Variants in MYH4 observed in about 807,000 individuals in gnomAD.
The protein encoded by MYH4 is myosin heavy chain 4.
A neutral mutation model predicts 229.9 loss-of-function variants in MYH4; 200 were observed. The ratio of observed to expected loss-of-function variants is 0.87; its 90% CI spans 0.78 to 0.98. The LOEUF (loss-of-function observed/expected upper bound fraction) is 0.98. Among genes scored for constraint, MYH4 ranks in the 50% least tolerant of loss-of-function variants. The pLI is 0.00. For missense variants in MYH4, 2,148 were observed against 2,332.6 expected (o/e 0.92, Z 1.63); for synonymous variants, 761 against 834.6 (o/e 0.91, Z 1.52).
intron 35 of MYH4, among the ~76,000 whole-genome samples, chr17:10,445,871 A>G (rs1304601886): frequency 6.6e-6 from 1 of 151,888 alleles, no homozygotes; most frequent in African/African-American, 2.4e-5. Context: ...TACTAAAAAT[A>G]CAAAAAATTA....
At chr17:10,453,452 C>T (rs1567701361) in intron 23 of MYH4, 124 bp from the exon 24 acceptor site, 2 of 1,571,074 alleles carry the variant, frequency 1.3e-6, no homozygotes, top group Non-Finnish European at 8.6e-7. Context: ...GGAGCTAACC[C>T]AGGCCTATAA....
intron 22 of MYH4, 91 bp from the exon 23 acceptor site, chr17:10,453,976 C>T (rs1217220741): frequency 6.5e-7 from 1 of 1,532,168 alleles, no homozygotes; most frequent in South Asian, 1.3e-5. Flanking sequence ...CAGTGACTAC[C>T]TGTTTGGTCA....
intron 8 of MYH4, 70 bp from the exon 9 acceptor site, chr17:10,463,471 A>G (rs2072724628): frequency 6.3e-7 from 1 of 1,579,050 alleles, no homozygotes; most frequent in Admixed American, 1.7e-5. Flanking sequence ...TGTGGACCAA[A>G]CAGGTGGAAA....
Position 10,447,890 on chromosome 17 carries a change from G to A in MYH4, c.4893C>T (p.Ile1631=). The change falls in exon 34 of 40, where the codon ATC becomes ATT. Residue 1631 remains isoleucine, a synonymous_variant. Transcript: ENST00000255381. ...KMEGDLNEME[I]QLNHANRQAA... ...CCTGGCGGTTGGCATGGTTCAGCTGGATTTCCATTTCATTAAGATCTCCCT... is the reference window on the plus strand; with the variant it reads ...CCTGGCGGTTGGCATGGTTCAGCTGAATTTCCATTTCATTAAGATCTCCCT... 6.2e-7 allele frequency: 1 copy of A among 1,613,966 alleles called. No individual in the cohort carries two copies.
chr17:10,455,034 C>A lies in MYH4; in HGVS notation c.2342G>T (p.Arg781Leu). 1 of 1,614,186 alleles carries A rather than the reference C, an allele frequency of 6.2e-7. No individual in the cohort carries two copies. The highest frequency in any genetic ancestry group is 1.1e-5 in the South Asian group (1 of 91,080). The change falls in exon 21 of 40, where the codon CGA becomes CTA. Residue 781 changes from arginine to leucine, a missense_variant. Physicochemically the swap from Arg to Leu is moderately radical, Grantham distance 102. Coordinates refer to ENST00000255381, the MANE Select transcript of MYH4 (RefSeq NM_017533.2). ...GATGAGTTGAGCTAGCTTTTCATCT[C>A]GCATTTCCTCTAGAGTTCCCAGCAG... ...AGLLGTLEEM[R>L]DEKLAQLITR...
rs772577784 is a variant in MYH4, at chr17:10,456,510, A to C, written c.1943T>G (p.Phe648Cys). The part of the protein sequence containing the change: ...KKGGKKKGSS[F>C]QTVSALFREN... Reference sequence around the variant, plus strand: ...CCTGAAAAGAGCTGACACTGTCTGGAAAGAAGAACCCTTCTTTTTGCCACC... The same window carrying C: ...CCTGAAAAGAGCTGACACTGTCTGGCAAGAAGAACCCTTCTTTTTGCCACC... Residue 648 changes from phenylalanine (F) to cysteine (C), a missense_variant, in exon 17 of 40, where the codon TTC becomes TGC. Physicochemically the swap from Phe to Cys is radical, Grantham distance 205. Coordinates refer to ENST00000255381, the MANE Select transcript of MYH4 (RefSeq NM_017533.2). The C allele has an allele frequency of 9.9e-6, 16 of 1,613,948 alleles. 2 individuals are homozygous for C. In the South Asian group the frequency reaches 1.8e-4, roughly 18 times the overall value.
Position 10,452,216 on chromosome 17 carries a change from C to G in MYH4, c.3463G>C (p.Glu1155Gln), listed in dbSNP as rs1403428792. 1 of 1,613,916 alleles carries G rather than the reference C, an allele frequency of 6.2e-7. No homozygotes were observed. The highest frequency in any genetic ancestry group is 2.2e-5 in the East Asian group (1 of 44,882). Residue 1155 changes from glutamate to glutamine, a missense_variant, in exon 27 of 40, where the codon GAA becomes CAA. Physicochemically the swap from Glu to Gln is conservative, Grantham distance 29 (BLOSUM62 2). Transcript: ENST00000255381. ...GCTGAAGTGGCCCCACCGGCTTCTT[C>G]CAGCCTCTCACTGATCTCCTCCAGC... ...RELEEISERLEEAGGATSAQI... is the reference protein window; with the variant it reads ...RELEEISERLQEAGGATSAQI...
intron 12 of MYH4, 90 bp from the exon 13 acceptor site, chr17:10,460,411 C>A: frequency 9.2e-7 from 1 of 1,084,334 alleles, no homozygotes; most frequent in Non-Finnish European, 1.3e-6. Flanking sequence ...AGGTTTCACT[C>A]AAAAAGTAAG....
At chr17:10,462,309 C>T (rs753494503) in intron 11 of MYH4, among the ~76,000 whole-genome samples, 1 of 151,814 alleles carries the variant, frequency 6.6e-6, no homozygotes, top group Non-Finnish European at 1.5e-5. Flanking sequence ...GGAGAGAGTG[C>T]GTTGTTTCAA....
intron 24 of MYH4, 53 bp downstream of exon 24, chr17:10,453,098 TG>T: frequency 1.9e-6 from 3 of 1,609,258 alleles, no homozygotes; most frequent in Non-Finnish European, 2.6e-6. Context: ...GCTGGTTTCA[TG>T]TCACAATTGT....
intron 4 of MYH4, 58 bp from the exon 5 acceptor site, chr17:10,465,656 A>ATACTG: frequency 1.2e-6 from 2 of 1,607,222 alleles, no homozygotes; most frequent in Non-Finnish European, 8.5e-7. Context: ...TATCTTGGAA[A>ATACTG]TACTGTTTAA....
Position 10,453,297 on chromosome 17 carries a change from A to G in MYH4, c.2966T>C (p.Leu989Pro). Residue 989 changes from leucine to proline, a missense_variant, in exon 24 of 40, where the codon CTG becomes CCG. Physicochemically the swap from Leu to Pro is moderately conservative, Grantham distance 98. Coordinates refer to ENST00000255381, the MANE Select transcript of MYH4 (RefSeq NM_017533.2). ...GGTCAGCTTAGCAATGGTTTCATCC[A>G]GACCTGCCATCTCTTCTGTGAGGTT... ...VKNLTEEMAG[L>P]DETIAKLTKE... 1.9e-6 allele frequency: 3 copies of G among 1,614,078 alleles called. No homozygotes were observed. The highest frequency in any genetic ancestry group is 2.5e-6 in the Non-Finnish European group (3 of 1,180,016).
Position 10,452,950 on chromosome 17 carries a change from T to G in MYH4, c.3112-18A>C, listed in dbSNP as rs1421041595. 6.3e-7 allele frequency: 1 copy of G among 1,599,524 alleles called. No individual in the cohort carries two copies. The highest frequency in any genetic ancestry group is 1.4e-5 in the African/African-American group (1 of 73,622). On this transcript the variant is annotated intron_variant, in intron 24 of 39. Coordinates refer to ENST00000255381, the MANE Select transcript of MYH4 (RefSeq NM_017533.2). ...CCTTCAAGCTAAATTTATGATGCAT[T>G]TTATTTATTTCAGCTCTTAAGCACT...
In MYH4 at chr17:10,468,810, G is replaced by A. The variant is rs577664876; in HGVS notation, c.-40+478C>T. ...GTCATAGTGGTGGGTGATAAGTGGC[G>A]GTACTGGGACATGAGTCCTGTTCCG... On this transcript the variant is annotated intron_variant, in intron 2 of 39. Coordinates refer to ENST00000255381, the MANE Select transcript of MYH4 (RefSeq NM_017533.2). 1.1e-4 allele frequency among the ~76,000 whole-genome samples: 17 copies of A among 152,270 alleles called. No individual in the cohort carries two copies. In the South Asian group the frequency reaches 1.2e-3, roughly 11 times the overall value.
In MYH4 at chr17:10,450,606, T is replaced by C; in HGVS notation, c.4028A>G (p.Asp1343Gly). ...LAHALQSARH[D>G]CDLLREQYEE... The stretch of plus-strand genomic sequence containing the variant: ...ATACTGTTCCCGCAGCAGGTCACAG[T>C]CATGGCGGGCTGACTGCAGGGCATG... The change falls in exon 30 of 40, where the codon GAC (aspartate) becomes GGC (glycine). Residue 1343 changes from aspartate to glycine, a missense_variant. Asp to Gly is a moderately conservative substitution (Grantham distance 94, BLOSUM62 -1). Coordinates refer to ENST00000255381, the MANE Select transcript of MYH4 (RefSeq NM_017533.2). 1 of 1,614,188 alleles carries C rather than the reference T, an allele frequency of 6.2e-7. No homozygotes were observed. The highest frequency in any genetic ancestry group is 8.5e-7 in the Non-Finnish European group (1 of 1,180,012).
intron 7 of MYH4, 120 bp downstream of exon 7, chr17:10,464,352 G>T (rs2072736777): frequency 2.4e-6 from 2 of 834,718 alleles, no homozygotes; most frequent in Non-Finnish European, 3.7e-6. Context: ...TCTTTTTTAA[G>T]GCTGCATAGT....
At chr17:10,447,261 G>A in intron 34 of MYH4, 45 bp from the exon 35 acceptor site, 3 of 1,554,098 alleles carry the variant, frequency 1.9e-6, no homozygotes, top group Middle Eastern at 1.7e-4. Flanking sequence ...TGCACTTAAA[G>A]CAAATGCAAA....
intron 5 of MYH4, among the ~76,000 whole-genome samples, 188 bp from the exon 6 acceptor site, chr17:10,464,896 C>G (rs534464344): frequency 6.6e-6 from 1 of 152,270 alleles, no homozygotes; most frequent in East Asian, 1.9e-4. Flanking sequence ...TTAATAATCC[C>G]ATTACCTTTC....
intron 4 of MYH4, 35 bp downstream of exon 4, chr17:10,466,238 G>T (rs1413940551): frequency 1.2e-6 from 2 of 1,609,478 alleles, no homozygotes; most frequent in Non-Finnish European, 1.7e-6. Context: ...GTAGAATGTG[G>T]AGTGAGTGAG....
Sources: gnomAD v4.1 joint callset for allele counts (sites outside exome capture counted in the v4.1 genomes callset) on GRCh38, gnomAD v4.1.1 for gene constraint, MANE v1.5 for transcripts, NCBI Gene and HGNC (gene_info 2026-07-23, HGNC 2026-07-21) for gene names.